Variants in ZSWIM6 observed in about 807,000 individuals in gnomAD.
ZSWIM6 encodes the protein zinc finger SWIM-type containing 6, also known as zinc finger SWIM domain-containing protein 6.
A neutral mutation model predicts 113.2 loss-of-function variants in ZSWIM6; 9 were observed. The ratio of observed to expected loss-of-function variants is 0.08; its 90% CI spans 0.05 to 0.14. The LOEUF (loss-of-function observed/expected upper bound fraction) is 0.14. Among genes scored for constraint, ZSWIM6 ranks in the 10% least tolerant of loss-of-function variants. ZSWIM6 has a pLI of 1.00. For missense variants in ZSWIM6, 1,162 were observed against 1,552.2 expected, an observed-to-expected ratio of 0.75 and a Z score of 4.22; for synonymous variants, 611 against 606.5, an observed-to-expected ratio of 1.01 and a Z score of -0.11.
In ZSWIM6 at chr5:61,442,218, CAAGAT is replaced by C. The variant is rs535878731; in HGVS notation, c.677-30458_677-30454del. ...TGGTTGGTTTCTTGAGAAAGGAACTCAAGATAAGAAAATTTTAACTTTCTCAAGTT... is the reference window on the plus strand; with the variant it reads ...TGGTTGGTTTCTTGAGAAAGGAACTCAAGAAAATTTTAACTTTCTCAAGTT... On this transcript the variant is annotated intron_variant, in intron 1 of 13. Transcript: ENST00000252744. Among the ~76,000 whole-genome samples, 175 of 151,936 alleles carry C rather than the reference CAAGAT, an allele frequency of 1.2e-3. No homozygotes were observed. In the Middle Eastern group the frequency reaches 0.017, roughly 15 times the overall value.
chr5:61,374,920 A>C (rs1045439337), intron 1 of ZSWIM6, among the ~76,000 whole-genome samples: 1 of 152,210 alleles, frequency 6.6e-6, no homozygotes, highest in African/African-American at 2.4e-5. Flanking sequence ...ACTCCAGTGA[A>C]AATGCCAACA....
rs1188580277 is a variant in ZSWIM6 at position 61,450,598 on chromosome 5, TA to T, written c.677-22080del. Among the ~76,000 whole-genome samples the T allele has an allele frequency of 4.3e-4, 66 of 152,318 alleles. 1 individual carries two copies. The highest frequency in any genetic ancestry group is 1.5e-3 in the African/African-American group (63 of 41,584). ...GGTAGCCACTGGTGGGGATTTTTTT[TA>T]AATCATTTCCTGGTGGTGAATTTAT... On this transcript the variant is annotated intron_variant, in intron 1 of 13. Transcript: ENST00000252744.
chr5:61,489,627 T>C (rs546503928), intron 2 of ZSWIM6, among the ~76,000 whole-genome samples: 69 of 152,184 alleles, frequency 4.5e-4, no homozygotes, highest in African/African-American at 1.6e-3. Flanking sequence ...ATATTTCTTA[T>C]TGTGGGTCTT....
rs1348719021 is a variant in ZSWIM6 at position 61,505,599 on chromosome 5, TTACCTTCC to T, written c.1333+11191_1333+11198del. 1.2e-4 allele frequency among the ~76,000 whole-genome samples: 14 copies of T among 119,974 alleles called. 1 individual carries two copies. Among genetic ancestry groups the T allele is most frequent in the South Asian group, 5.9e-4 (2 of 3,382 alleles). 78.7% of individuals were successfully genotyped at this position (119,974 alleles called of 152,430 possible). On this transcript the variant is annotated intron_variant, in intron 4 of 13. Coordinates refer to ENST00000252744, the MANE Select transcript of ZSWIM6 (RefSeq NM_020928.2). Reference sequence around the variant, plus strand: ...TTAATTGTTTTGGAATATCTATGATTTACCTTCCTTCCTTCCTTCCTTCCTTCCTTCCT... The same window carrying T: ...TTAATTGTTTTGGAATATCTATGATTTTCCTTCCTTCCTTCCTTCCTTCCT...
intron 1 of ZSWIM6, among the ~76,000 whole-genome samples, chr5:61,374,427 A>G (rs1745325956): frequency 1.3e-5 from 2 of 152,212 alleles, no homozygotes; most frequent in Non-Finnish European, 2.9e-5. Context: ...AAATACCATT[A>G]TTGCCTGTGA....
At chr5:61,427,603 C>T (rs1746487740) in intron 1 of ZSWIM6, among the ~76,000 whole-genome samples, 2 of 152,122 alleles carry the variant, frequency 1.3e-5, no homozygotes, top group African/African-American at 4.8e-5. Context: ...CTCAGCCTCC[C>T]AAGTAGGTGG....
intron 7 of ZSWIM6, among the ~76,000 whole-genome samples, chr5:61,527,176 C>T (rs1749308387): frequency 6.6e-6 from 1 of 152,002 alleles, no homozygotes; most frequent in Admixed American, 6.6e-5. Flanking sequence ...TGCACAAGAC[C>T]CTGATCAGAT....
chr5:61,490,750 T>C (rs563638687), intron 2 of ZSWIM6, 36 bp from the exon 3 acceptor site: 63 of 1,536,556 alleles, frequency 4.1e-5, no homozygotes, highest in Non-Finnish European at 5.3e-5. Context: ...AGTTTTTATC[T>C]AGCCTGTGTG....
At chr5:61,391,349 G>T in intron 1 of ZSWIM6, 1 of 827,648 alleles carries the variant, frequency 1.2e-6, no homozygotes, top group Non-Finnish European at 2.2e-6. Flanking sequence ...GCCTTCCTCT[G>T]GTGCAGAGGA....
At chr5:61,366,942 AAAAG>A (rs1340561851) in intron 1 of ZSWIM6, among the ~76,000 whole-genome samples, 26 of 152,100 alleles carry the variant, frequency 1.7e-4, no homozygotes, top group African/African-American at 5.8e-4. Flanking sequence ...AAAAAAAAAA[AAAAG>A]GCACAGAAGG....
intron 1 of ZSWIM6, among the ~76,000 whole-genome samples, chr5:61,363,287 G>A (rs1745071715): frequency 6.6e-6 from 1 of 152,228 alleles, no homozygotes; most frequent in African/African-American, 2.4e-5. Context: ...CTCGTGGAAA[G>A]TGTCATCATG....
intron 1 of ZSWIM6, among the ~76,000 whole-genome samples, chr5:61,441,999 G>A (rs1255606382): frequency 1.3e-5 from 2 of 152,164 alleles, no homozygotes; most frequent in African/African-American, 4.8e-5. Context: ...AAAATTAAGG[G>A]TTTATGTAGC....
intron 1 of ZSWIM6, among the ~76,000 whole-genome samples, chr5:61,459,423 T>C (rs1187237186): frequency 6.6e-6 from 1 of 152,244 alleles, no homozygotes; most frequent in Non-Finnish European, 1.5e-5. Flanking sequence ...AACACATTTC[T>C]ATTTGTGTAT....
At chr5:61,525,262 C>T (rs1334811930) in intron 5 of ZSWIM6, among the ~76,000 whole-genome samples, 2 of 152,144 alleles carry the variant, frequency 1.3e-5, no homozygotes, top group Non-Finnish European at 2.9e-5. Flanking sequence ...TCCCAAGAAG[C>T]ATAATAGTTT....
intron 1 of ZSWIM6, among the ~76,000 whole-genome samples, chr5:61,350,833 C>T (rs905738670): frequency 6.6e-6 from 1 of 152,158 alleles, no homozygotes; most frequent in East Asian, 1.9e-4. Context: ...ATCTTTATCA[C>T]CTCTGTCGTA....
At chr5:61,511,354 A>G (rs564833251) in intron 4 of ZSWIM6, among the ~76,000 whole-genome samples, 1 of 152,270 alleles carries the variant, frequency 6.6e-6, no homozygotes, top group Non-Finnish European at 1.5e-5. Context: ...CTTCAAAATC[A>G]TAGAACTCAT....
intron 2 of ZSWIM6, among the ~76,000 whole-genome samples, chr5:61,476,899 A>AT (rs1332592975): frequency 1.3e-5 from 2 of 152,082 alleles, no homozygotes; most frequent in African/African-American, 4.8e-5. Context: ...AATGGGACCC[A>AT]TTTTTTCTCA....
chr5:61,483,002 A>C (rs954698425), intron 2 of ZSWIM6, among the ~76,000 whole-genome samples: 6 of 152,196 alleles, frequency 3.9e-5, no homozygotes, highest in Non-Finnish European at 8.8e-5. Context: ...TAAAAATAAA[A>C]ACCCCAACTT....
intron 4 of ZSWIM6, among the ~76,000 whole-genome samples, chr5:61,508,029 C>T (rs1222366958): frequency 6.6e-6 from 1 of 152,136 alleles, no homozygotes; most frequent in African/African-American, 2.4e-5. Flanking sequence ...GATCCTGGCT[C>T]CCTTAATAGC....
Sources: allele counts gnomAD v4.1 joint callset (sites outside exome capture counted in the v4.1 genomes callset), GRCh38; gene constraint gnomAD v4.1.1; transcripts MANE v1.5; gene names NCBI Gene and HGNC (gene_info 2026-07-23, HGNC 2026-07-21).